The following LYRM7 variants were observed in gnomAD, a reference collection of about 807,000 sequenced individuals.
The protein encoded by LYRM7 is complex III assembly factor LYRM7.
Under a neutral mutation model 15.8 loss-of-function variants are expected in LYRM7, and 9 were observed. That is an observed-to-expected ratio of 0.57 (90% CI 0.34 to 0.99). The LOEUF (loss-of-function observed/expected upper bound fraction) is 0.99, where lower values mean the gene tolerates loss of function less well. LYRM7 is among the 50% of genes least tolerant of loss of function. LYRM7 has a pLI of 0.02. For missense variants in LYRM7, 115 were observed against 119.1 expected (o/e 0.97, Z 0.16); for synonymous variants, 39 against 39.4 (o/e 0.99, Z 0.04).
chr5:131,181,291 A>AT (rs1323906542), intron 2 of LYRM7, among the ~76,000 whole-genome samples: 8 of 46,294 alleles, frequency 1.7e-4, no homozygotes, highest in African/African-American at 7.7e-4. Flanking sequence ...AAAAAAAAAA[A>AT]AAAAAAAAAA....
chr5:131,177,209 A>G (rs1755615785), intron 1 of LYRM7, among the ~76,000 whole-genome samples: 2 of 152,170 alleles, frequency 1.3e-5, no homozygotes, highest in African/African-American at 2.4e-5. Context: ...TTTCCTTGCA[A>G]TAACTTTCCT....
At chr5:131,191,012 G>A (rs1260971490) in intron 4 of LYRM7, among the ~76,000 whole-genome samples, 1 of 151,720 alleles carries the variant, frequency 6.6e-6, no homozygotes, top group African/African-American at 2.4e-5. Flanking sequence ...CCTTGTTTTA[G>A]ATATAACACT....
chr5:131,190,761 G>A (rs1298199786), intron 4 of LYRM7, among the ~76,000 whole-genome samples: 14 of 152,144 alleles, frequency 9.2e-5, no homozygotes, highest in Non-Finnish European at 1.2e-4. Context: ...AAAATGCTGG[G>A]TTTACAGGTG....
At chr5:131,180,606 T>C (rs1052344933) in intron 2 of LYRM7, among the ~76,000 whole-genome samples, 1 of 152,202 alleles carries the variant, frequency 6.6e-6, no homozygotes, top group African/African-American at 2.4e-5. Context: ...TTCTATCTTA[T>C]CTGGAAGTCA....
At chr5:131,181,451 T>TG (rs1755709867) in intron 2 of LYRM7, among the ~76,000 whole-genome samples, 1 of 126,274 alleles carries the variant, frequency 7.9e-6, no homozygotes, top group Admixed American at 8.8e-5. Flanking sequence ...TATATATATA[T>TG]AAAACATATA....
At chr5:131,184,126 C>T (rs760116380) in intron 3 of LYRM7, among the ~76,000 whole-genome samples, 4 of 152,022 alleles carry the variant, frequency 2.6e-5, no homozygotes, top group African/African-American at 4.8e-5. Context: ...CATGCTACCA[C>T]ACCCAGCTAA....
chr5:131,199,693 C>A lies in LYRM7; in HGVS notation c.*92C>A. The A allele has an allele frequency of 2.5e-6, 2 of 784,574 alleles. No individual in the cohort carries two copies. Among genetic ancestry groups the A allele is most frequent in the Admixed American group, 2.8e-5 (1 of 35,992 alleles). 48.6% of individuals were successfully genotyped at this position (784,574 alleles called of 1,614,324 possible). ...TGGAAATGCAGACATTTTCCCTGAA[C>A]TGGCATATTGAAAATGAATGAATTA... On this transcript the variant is annotated 3_prime_UTR_variant, in exon 5 of 5. Coordinates refer to ENST00000379380, the MANE Select transcript of LYRM7 (RefSeq NM_181705.4).
Position 131,202,995 on chromosome 5 carries a change from G to A in LYRM7, c.*3394G>A, listed in dbSNP as rs1163352896. The A allele has an allele frequency of 6.6e-6, 1 of 152,246 alleles. No homozygotes were observed. The highest frequency in any genetic ancestry group is 1.5e-5 in the Non-Finnish European group (1 of 68,000). The allele number at this position is 152,246 out of a possible 1,614,324, so 9.4% of individuals were successfully genotyped here. ...AAGATTTTAGTCAAACTGTGTTTAA[G>A]TTAGTTCTTATTTTCCTGTAGATGC... On this transcript the variant is annotated 3_prime_UTR_variant, in exon 5 of 5. Transcript: ENST00000379380.
intron 2 of LYRM7, among the ~76,000 whole-genome samples, chr5:131,181,316 T>TATATATACAC (rs1208669077): frequency 1.8e-4 from 5 of 27,642 alleles, no homozygotes; most frequent in South Asian, 1.7e-3. Flanking sequence ...TATATATATA[T>TATATATACAC]ACACACACAC....
chr5:131,185,280 T>G (rs114906202), intron 3 of LYRM7, among the ~76,000 whole-genome samples: 48 of 152,338 alleles, frequency 3.2e-4, no homozygotes, highest in African/African-American at 1.2e-3. Flanking sequence ...CATCTGACCT[T>G]TGTTACCTTG....
chr5:131,200,499 T>A lies in LYRM7; in HGVS notation c.*898T>A, dbSNP rs2149667325. 6.6e-6 allele frequency: 1 copy of A among 152,486 alleles called. No individual in the cohort carries two copies. Among genetic ancestry groups the A allele is most frequent in the African/African-American group, 2.4e-5 (1 of 41,594 alleles). 9.4% of individuals were successfully genotyped at this position (152,486 alleles called of 1,614,324 possible). On this transcript the variant is annotated 3_prime_UTR_variant, in exon 5 of 5. Transcript: ENST00000379380. Reference sequence around the variant, plus strand: ...AGGAACTGTAAAATACTGTTTAATATTCTTCTTGTTTCTCTTTTATCTGTG... The same window carrying A: ...AGGAACTGTAAAATACTGTTTAATAATCTTCTTGTTTCTCTTTTATCTGTG...
intron 4 of LYRM7, among the ~76,000 whole-genome samples, chr5:131,188,303 A>G (rs1226674043): frequency 6.6e-6 from 1 of 151,970 alleles, no homozygotes; most frequent in African/African-American, 2.4e-5. Flanking sequence ...CAGACTATGG[A>G]AGTATAACAT....
Position 131,205,145 on chromosome 5 carries a change from C to T in LYRM7, c.*5544C>T, listed in dbSNP as rs772416307. 1.2e-4 allele frequency: 19 copies of T among 152,368 alleles called. No individual in the cohort carries two copies. In the South Asian group the frequency reaches 1.5e-3, roughly 12 times the overall value. The allele number at this position is 152,368 out of a possible 1,614,324, so 9.4% of individuals were successfully genotyped here. The stretch of plus-strand genomic sequence containing the variant: ...AGTCATAAAATCTTATAAAGCTAAA[C>T]CCCACCCTTCTCTTTCTCCTCTCTC... On this transcript the variant is annotated 3_prime_UTR_variant, in exon 5 of 5. Coordinates refer to ENST00000379380, the MANE Select transcript of LYRM7 (RefSeq NM_181705.4).
intron 4 of LYRM7, among the ~76,000 whole-genome samples, chr5:131,188,060 C>T: frequency 6.6e-6 from 1 of 151,682 alleles, no homozygotes; most frequent in Non-Finnish European, 1.5e-5. Context: ...AGTTCAAGAC[C>T]AGCCTGGGCA....
intron 4 of LYRM7, among the ~76,000 whole-genome samples, chr5:131,187,720 A>G (rs1173680045): frequency 6.6e-6 from 1 of 151,978 alleles, no homozygotes; most frequent in African/African-American, 2.4e-5. Context: ...TCCTGACCTC[A>G]GGTGATCCAC....
chr5:131,186,335 C>T (rs969900483), intron 3 of LYRM7, among the ~76,000 whole-genome samples: 1 of 152,024 alleles, frequency 6.6e-6, no homozygotes, highest in African/African-American at 2.4e-5. Flanking sequence ...CACATTGTAA[C>T]AAAAAATACT....
chr5:131,175,651 C>T (rs1755590735), intron 1 of LYRM7, among the ~76,000 whole-genome samples: 1 of 152,192 alleles, frequency 6.6e-6, no homozygotes, highest in South Asian at 2.1e-4. Flanking sequence ...CCTCCCACCT[C>T]AGCCTCCCGA....
intron 3 of LYRM7, 54 bp downstream of exon 3, chr5:131,182,353 G>C: frequency 1.6e-6 from 2 of 1,275,120 alleles, no homozygotes; most frequent in Non-Finnish European, 2.1e-6. Flanking sequence ...TTGTCAAAGA[G>C]GAAATGATGA....
intron 4 of LYRM7, among the ~76,000 whole-genome samples, chr5:131,188,125 T>G (rs1755826643): frequency 6.6e-6 from 1 of 151,894 alleles, no homozygotes; most frequent in African/African-American, 2.4e-5. Context: ...GATGCAGTGG[T>G]GCACACCTGT....
Sources: allele counts gnomAD v4.1 joint callset (sites outside exome capture counted in the v4.1 genomes callset), GRCh38; gene constraint gnomAD v4.1.1; transcripts MANE v1.5; gene names NCBI Gene and HGNC (gene_info 2026-07-23, HGNC 2026-07-21).